Variants in GPC5 observed in about 807,000 individuals in gnomAD.
GPC5 encodes the protein glypican 5, also known as glypican-5.
In GPC5, 47 loss-of-function variants were observed where a neutral mutation model predicts 53.9. The observed-to-expected ratio is 0.87, with a 90% CI of 0.69 to 1.11. The LOEUF (loss-of-function observed/expected upper bound fraction) is 1.11. Among genes scored for constraint, GPC5 ranks in the 50% most tolerant of loss-of-function variants. GPC5 has a pLI of 0.00. For synonymous variants in GPC5, 286 were observed against 263.3 expected, an observed-to-expected ratio of 1.09 and a Z score of -0.84; for missense variants, 748 against 713.1, an observed-to-expected ratio of 1.05 and a Z score of -0.56.
At chr13:92,257,759 C>T (rs79008517) in intron 7 of GPC5, among the ~76,000 whole-genome samples, 30 of 151,664 alleles carry the variant, frequency 2.0e-4, no homozygotes, top group African/African-American at 7.3e-4. Context: ...ACCATGTTCA[C>T]CAGGATGGTC....
chr13:92,675,553 G>A, intron 7 of GPC5, among the ~76,000 whole-genome samples: 1 of 151,354 alleles, frequency 6.6e-6, no homozygotes, highest in East Asian at 1.9e-4. Context: ...TGCTTGGAAA[G>A]TGTGATTAAT....
intron 6 of GPC5, among the ~76,000 whole-genome samples, chr13:92,072,156 ATG>A (rs2041217085): frequency 6.8e-6 from 1 of 147,426 alleles, no homozygotes; most frequent in African/African-American, 2.5e-5. Flanking sequence ...AATGAATAAA[ATG>A]TATATATAAT....
chr13:91,819,833 G>C (rs555715383), intron 5 of GPC5, among the ~76,000 whole-genome samples: 3 of 152,164 alleles, frequency 2.0e-5, no homozygotes, highest in East Asian at 3.9e-4. Flanking sequence ...ACTGCCTTTT[G>C]ATATGGTTGT....
chr13:92,178,391 C>G (rs547375438), intron 7 of GPC5, among the ~76,000 whole-genome samples: 132 of 151,290 alleles, frequency 8.7e-4, no homozygotes, highest in Middle Eastern at 7.0e-3. Context: ...CTATTAGTGC[C>G]TTCAACTTGT....
At chr13:92,295,154 G>A (rs889577062) in intron 7 of GPC5, among the ~76,000 whole-genome samples, 2 of 151,994 alleles carry the variant, frequency 1.3e-5, no homozygotes, top group Admixed American at 1.3e-4. Context: ...TAGGCACTTA[G>A]GGCTATGAAC....
intron 7 of GPC5, among the ~76,000 whole-genome samples, chr13:92,752,638 T>G (rs1874619773): frequency 6.6e-6 from 1 of 152,126 alleles, no homozygotes; most frequent in African/African-American, 2.4e-5. Flanking sequence ...GCGCGCACCG[T>G]GCGCGAGCTG....
chr13:92,031,160 G>T lies in GPC5; in HGVS notation c.1402-113670G>T, dbSNP rs114587036. Among the ~76,000 whole-genome samples, 147 of 152,130 alleles carry T rather than the reference G, an allele frequency of 9.7e-4. 1 individual carries two copies. The highest frequency in any genetic ancestry group is 3.3e-3 in the African/African-American group (138 of 41,500). ...TACCCATCCCCATTCAGGTTCATGT[G>T]CCTTACTCAGCCATTGCGCGATGTA... On this transcript the variant is annotated intron_variant, in intron 6 of 7. Coordinates refer to ENST00000377067, the MANE Select transcript of GPC5 (RefSeq NM_004466.6).
At chr13:92,321,418 C>A (rs2043214699) in intron 7 of GPC5, among the ~76,000 whole-genome samples, 1 of 152,098 alleles carries the variant, frequency 6.6e-6, no homozygotes, top group Admixed American at 6.6e-5. Context: ...ATCGTGAAAC[C>A]CTGTCTGTAC....
rs1342700383 is a variant in GPC5, at chr13:92,156,361, G to A, written c.1561+11372G>A. 3.3e-5 allele frequency among the ~76,000 whole-genome samples: 5 copies of A among 152,112 alleles called. 1 individual carries two copies. The East Asian group carries it at 9.6e-4, about 29-fold the overall frequency. On this transcript the variant is annotated intron_variant, in intron 7 of 7. Transcript: ENST00000377067. ...CTTGCATCCACCCATTATTAGTGTG[G>A]GCATAAATGTTCACAGTTCTCTGCT...
intron 6 of GPC5, among the ~76,000 whole-genome samples, chr13:91,956,692 T>C (rs1452759788): frequency 6.6e-6 from 1 of 152,174 alleles, no homozygotes; most frequent in Non-Finnish European, 1.5e-5. Context: ...ACTAAGGAAA[T>C]CAGAGACAAT....
chr13:92,600,686 T>C (rs1450948053), intron 7 of GPC5, among the ~76,000 whole-genome samples: 35 of 143,942 alleles, frequency 2.4e-4, no homozygotes, highest in Admixed American at 7.1e-5. Flanking sequence ...TTTGCATTTT[T>C]ACTAGAGATG....
rs937954111 is a variant in GPC5 at position 92,762,155 on chromosome 13, C to T, written c.1562-104127C>T. Reference sequence around the variant, plus strand: ...CATACTCTAATACTGTTATGATGCTCTATCATATATATCTCTAGTATGAAG... The same window carrying T: ...CATACTCTAATACTGTTATGATGCTTTATCATATATATCTCTAGTATGAAG... On this transcript the variant is annotated intron_variant, in intron 7 of 7. Coordinates refer to ENST00000377067, the MANE Select transcript of GPC5 (RefSeq NM_004466.6). 5.9e-5 allele frequency among the ~76,000 whole-genome samples: 9 copies of T among 151,970 alleles called. No individual in the cohort carries two copies. The East Asian group carries it at 1.6e-3, about 26-fold the overall frequency.
chr13:91,717,787 C>G (rs1212150543), intron 3 of GPC5, among the ~76,000 whole-genome samples: 43 of 151,970 alleles, frequency 2.8e-4, no homozygotes, highest in Non-Finnish European at 1.5e-5. Flanking sequence ...GAACTCCTGA[C>G]CTTGTGATCT....
intron 7 of GPC5, among the ~76,000 whole-genome samples, chr13:92,352,180 C>T (rs766421195): frequency 3.3e-5 from 5 of 151,940 alleles, no homozygotes; most frequent in Non-Finnish European, 5.9e-5. Flanking sequence ...ATCAATGCCA[C>T]AGAGAAGGGG....
chr13:92,577,471 GTAT>G (rs1329594415), intron 7 of GPC5, among the ~76,000 whole-genome samples: 1 of 140,436 alleles, frequency 7.1e-6, no homozygotes, highest in Non-Finnish European at 1.6e-5. Flanking sequence ...TGAAAGTCTG[GTAT>G]TATTAGCCTT....
At chr13:92,657,579 G>GTTTTTTTTTTTTTTTTTTTTTT (rs67038073) in intron 7 of GPC5, among the ~76,000 whole-genome samples, 4 of 106,730 alleles carry the variant, frequency 3.7e-5, no homozygotes, top group Non-Finnish European at 5.4e-5. Flanking sequence ...AGGTTTTTTG[G>GTTTTTTTTTTTTTTTTTTTTTT]TTTTTTTTTT....
At chr13:92,746,312 TA>T (rs1480846143) in intron 7 of GPC5, among the ~76,000 whole-genome samples, 1 of 152,156 alleles carries the variant, frequency 6.6e-6, no homozygotes, top group African/African-American at 2.4e-5. Flanking sequence ...AACTTCAAAA[TA>T]TATCTTGTTC....
intron 5 of GPC5, among the ~76,000 whole-genome samples, chr13:91,834,102 CA>C (rs2038695318): frequency 6.6e-6 from 1 of 151,940 alleles, no homozygotes; most frequent in South Asian, 2.1e-4. Context: ...CACCAAATAA[CA>C]AACACACAGA....
intron 1 of GPC5, among the ~76,000 whole-genome samples, chr13:91,430,098 C>A (rs1195773501): frequency 6.6e-6 from 1 of 152,072 alleles, no homozygotes; most frequent in African/African-American, 2.4e-5. Context: ...CTTTTTGATA[C>A]CTTCAAGAGT....
Sources: gnomAD v4.1 joint callset for allele counts (sites outside exome capture counted in the v4.1 genomes callset) on GRCh38, gnomAD v4.1.1 for gene constraint, MANE v1.5 for transcripts, NCBI Gene and HGNC (gene_info 2026-07-23, HGNC 2026-07-21) for gene names.